ATAD5: variants seen among roughly 807,000 people sequenced by gnomAD.
ATAD5 encodes the protein ATPase family AAA domain-containing protein 5.
Under a neutral mutation model 176.9 loss-of-function variants are expected in ATAD5, and 58 were observed. The observed-to-expected ratio is 0.33, with a 90% confidence interval of 0.27 to 0.41. ATAD5 has a LOEUF of 0.41. ATAD5 is among the 10% of genes least tolerant of loss of function. The probability of loss-of-function intolerance (pLI) is 1.00; values close to 1 mark genes in which losing one functional copy is unlikely to be tolerated. For synonymous variants in ATAD5, 640 were observed against 712.6 expected, an observed-to-expected ratio of 0.90 and a Z score of 1.62; for missense variants, 1,789 against 2,094.1, an observed-to-expected ratio of 0.85 and a Z score of 2.84.
chr17:30,837,851 A>G (rs1027024106), intron 3 of ATAD5, among the ~76,000 whole-genome samples: 5 of 152,286 alleles, frequency 3.3e-5, no homozygotes, highest in African/African-American at 9.6e-5. Context: ...TAGGATTCCA[A>G]CATATGAATT....
intron 19 of ATAD5, among the ~76,000 whole-genome samples, chr17:30,889,059 CAAA>C (rs58343790): frequency 6.1e-5 from 5 of 82,254 alleles, no homozygotes; most frequent in African/African-American, 1.0e-4. Context: ...GACTCTGTCT[CAAA>C]AAAAAAAAAA....
intron 5 of ATAD5, 61 bp downstream of exon 5, chr17:30,844,100 T>G (rs1906314289): frequency 1.6e-6 from 2 of 1,278,338 alleles, no homozygotes. Context: ...TTTGTTTTGT[T>G]TTGTTTTTGT....
chr17:30,876,139 A>AAAAATAAAATAAAAT (rs574523433), intron 14 of ATAD5, among the ~76,000 whole-genome samples: 2 of 152,158 alleles, frequency 1.3e-5, no homozygotes, highest in Non-Finnish European at 2.9e-5. Context: ...CCTGTCTCAA[A>AAAAATAAAATAAAAT]AAAATAAAAT....
At chr17:30,869,106 A>G (rs1182506346) in intron 12 of ATAD5, 142 bp from the exon 13 acceptor site, 1 of 932,694 alleles carries the variant, frequency 1.1e-6, no homozygotes, top group Non-Finnish European at 1.6e-6. Flanking sequence ...GATTACAGGC[A>G]TGTGCCACTG....
At position 30,834,244 on chromosome 17, in the gene ATAD5, G is replaced by A. The variant is rs768488803; in HGVS notation, c.163G>A (p.Ala55Thr). Residue 55 changes from alanine to threonine, a missense_variant, in exon 2 of 23, where the codon GCT becomes ACT. By Grantham distance (58) the Ala-to-Thr change is moderately conservative. Transcript: ENST00000321990. ...PLGKTRDRVF[A>T]PPKPSNILDY... is the part of the protein sequence containing the mutation. ...AGGGAAGACTAGAGACAGGGTTTTT[G>A]CTCCACCAAAACCTAGTAATATTCT... 2 of 1,612,486 alleles carry A rather than the reference G, an allele frequency of 1.2e-6. No individual in the cohort carries two copies. Among genetic ancestry groups the A allele is most frequent in the African/African-American group, 2.7e-5 (2 of 74,780 alleles).
chr17:30,840,273 A>G lies in ATAD5; in HGVS notation c.2077-344A>G, dbSNP rs549327056. Among the ~76,000 whole-genome samples the G allele has an allele frequency of 4.7e-4, 72 of 151,582 alleles. 1 individual carries two copies. Among genetic ancestry groups the G allele is most frequent in the South Asian group, 3.1e-3 (15 of 4,798 alleles). On this transcript the variant is annotated intron_variant, in intron 3 of 22. Transcript: ENST00000321990. ...TAATACTGTTTTCTTTATAGTATCC[A>G]GCCTAGAGCCATTCATATAGTAGGC...
chr17:30,892,369 GAGCTGAAATTGCACCAC>G (rs1909685462), intron 19 of ATAD5, among the ~76,000 whole-genome samples: 2 of 150,182 alleles, frequency 1.3e-5, no homozygotes, highest in Non-Finnish European at 2.9e-5. Context: ...AGGTTTCAGT[GAGCTGAAATTGCACCAC>G]TGCAATTCAG....
chr17:30,865,025 CTT>C (rs1907890149), intron 10 of ATAD5: 1 of 150,360 alleles, frequency 6.7e-6, no homozygotes, highest in Non-Finnish European at 1.5e-5. Flanking sequence ...GGTTCAGTCT[CTT>C]TGCTGTTCTA....
chr17:30,882,256 GAAA>G (rs551929459), intron 18 of ATAD5, among the ~76,000 whole-genome samples: 1 of 142,016 alleles, frequency 7.0e-6, no homozygotes, highest in Non-Finnish European at 1.5e-5. Context: ...AACTCCATCT[GAAA>G]AAAAAAAAAA....
intron 4 of ATAD5, among the ~76,000 whole-genome samples, chr17:30,842,784 GC>G (rs1454473463): frequency 6.6e-6 from 1 of 152,058 alleles, no homozygotes; most frequent in Non-Finnish European, 1.5e-5. Context: ...TGCTCTTGTT[GC>G]CCAGGCTAGA....
chr17:30,888,577 G>A (rs1390615133), intron 19 of ATAD5, among the ~76,000 whole-genome samples: 1 of 151,918 alleles, frequency 6.6e-6, no homozygotes, highest in African/African-American at 2.4e-5. Context: ...TGAGTAAATA[G>A]AATTAAACTG....
At position 30,856,983 on chromosome 17, in the gene ATAD5, C is replaced by G. The variant is rs1446346845; in HGVS notation, c.2664C>G (p.Pro888=). The part of the protein sequence containing the change: ...DGCCLWHLKP[P]SCPLLTKFKE... ...GTTGTTTGTGGCATTTGAAACCACC[C>G]TCTTGTCCTCTCTTAACTAAATTTA... Residue 888 remains proline (P), a synonymous_variant, in exon 8 of 23, where the codon CCC becomes CCG. Transcript: ENST00000321990. 10 of 1,599,492 alleles carry G rather than the reference C, an allele frequency of 6.3e-6. No individual in the cohort carries two copies. Among genetic ancestry groups the G allele is most frequent in the Non-Finnish European group, 7.6e-6 (9 of 1,176,674 alleles).
chr17:30,874,306 G>C (rs1319256934), intron 14 of ATAD5, among the ~76,000 whole-genome samples: 1 of 151,832 alleles, frequency 6.6e-6, no homozygotes, highest in Non-Finnish European at 1.5e-5. Context: ...ACTTTGGGAG[G>C]CTGAGGTGGG....
At chr17:30,841,302 G>A (rs7219607) in intron 4 of ATAD5, among the ~76,000 whole-genome samples, 13,770 of 152,062 alleles carry the variant, frequency 0.091, 1,805 homozygotes, top group African/African-American at 0.29. Context: ...TCTTCAAAAC[G>A]ACTCTTTGCT....
intron 7 of ATAD5, among the ~76,000 whole-genome samples, chr17:30,855,615 G>A (rs1405958965): frequency 6.6e-6 from 1 of 152,056 alleles, no homozygotes; most frequent in African/African-American, 2.4e-5. Flanking sequence ...TGCAGGAGAA[G>A]AGCTTGAGCC....
chr17:30,833,080 G>GT (rs1436967360), intron 1 of ATAD5, among the ~76,000 whole-genome samples: 1 of 152,184 alleles, frequency 6.6e-6, no homozygotes, highest in Non-Finnish European at 1.5e-5. Flanking sequence ...ACTGAAGCAT[G>GT]TATCTTGGCG....
rs1429262141 is a variant in ATAD5, at chr17:30,834,712, A to G, written c.631A>G (p.Arg211Gly). 1 of 1,611,178 alleles carries G rather than the reference A, an allele frequency of 6.2e-7. No homozygotes were observed. The highest frequency in any genetic ancestry group is 8.5e-7 in the Non-Finnish European group (1 of 1,179,266). ...CAAAAAGTTGAGAAAAAGGAAATGC[A>G]GAGATGTAGTAGATCTATCTGAAAG... ...DFKKLRKRKC[R>G]DVVDLSESLP... is the part of the protein sequence containing the mutation. Residue 211 changes from arginine (R) to glycine (G), a missense_variant, in exon 2 of 23, where the codon AGA becomes GGA. By Grantham distance (125) the Arg-to-Gly change is moderately radical. Around this residue, in one of 6 missense-constraint regions of ATAD5, gnomAD observed 696 missense variants for 712.5 expected, o/e 0.98. Coordinates refer to ENST00000321990, the MANE Select transcript of ATAD5 (RefSeq NM_024857.5).
chr17:30,833,693 T>G (rs1296735395), intron 1 of ATAD5, among the ~76,000 whole-genome samples: 1 of 152,210 alleles, frequency 6.6e-6, no homozygotes, highest in Non-Finnish European at 1.5e-5. Context: ...TTTCTTTTTG[T>G]TTTTTGAGAC....
At position 30,835,058 on chromosome 17, in the gene ATAD5, C is replaced by G. The variant is rs141618042; in HGVS notation, c.977C>G (p.Ala326Gly). The change falls in exon 2 of 23, where the codon GCA becomes GGA. Residue 326 changes from alanine to glycine, a missense_variant. Coordinates refer to ENST00000321990, the MANE Select transcript of ATAD5 (RefSeq NM_024857.5). ...QVRFKTVTVL[A>G]QVHPIPPKKT... ...CGCTTTAAGACAGTTACTGTTCTTGCACAGGTTCACCCTATTCCGCCCAAA... is the reference window on the plus strand; with the variant it reads ...CGCTTTAAGACAGTTACTGTTCTTGGACAGGTTCACCCTATTCCGCCCAAA... 6.2e-7 allele frequency: 1 copy of G among 1,614,026 alleles called. No individual in the cohort carries two copies. The highest frequency in any genetic ancestry group is 8.5e-7 in the Non-Finnish European group (1 of 1,180,004).
Sources: allele counts gnomAD v4.1 joint callset (sites outside exome capture counted in the v4.1 genomes callset), GRCh38; gene constraint gnomAD v4.1.1; regional missense constraint gnomAD v4.1.1; transcripts MANE v1.5; gene names NCBI Gene and HGNC (gene_info 2026-07-23, HGNC 2026-07-21).